The following PDE1C variants were observed in gnomAD, a reference collection of about 807,000 sequenced individuals.
The protein encoded by PDE1C is dual specificity calcium/calmodulin-dependent 3',5'-cyclic nucleotide phosphodiesterase 1C.
PDE1C carries 62 observed loss-of-function variants against 93.1 expected under a neutral mutation model. That is an observed-to-expected ratio of 0.67 (90% CI 0.54 to 0.82). PDE1C has a LOEUF of 0.82. Among genes scored for constraint, PDE1C ranks in the 40% least tolerant of loss-of-function variants. PDE1C has a pLI of 0.00. For missense variants in PDE1C, 742 were observed against 884.6 expected (o/e 0.84, Z 2.04); for synonymous variants, 325 against 310.1 (o/e 1.05, Z -0.50).
At chr7:32,165,701 T>C (rs1802204896) in intron 3 of PDE1C, among the ~76,000 whole-genome samples, 1 of 152,160 alleles carries the variant, frequency 6.6e-6, no homozygotes, top group African/African-American at 2.4e-5. Context: ...CCTTGACACA[T>C]GGGATTACAA....
intron 2 of PDE1C, among the ~76,000 whole-genome samples, chr7:31,993,346 G>A (rs1317081119): frequency 6.6e-6 from 1 of 152,144 alleles, no homozygotes; most frequent in Non-Finnish European, 1.5e-5. Context: ...TCTGGGATAA[G>A]CAAAGGATCA....
intron 16 of PDE1C, among the ~76,000 whole-genome samples, chr7:31,801,984 G>C (rs1005680590): frequency 1.3e-5 from 2 of 151,312 alleles, no homozygotes; most frequent in Non-Finnish European, 3.0e-5. Flanking sequence ...GTGTCTTTTT[G>C]TATAAAGGCA....
chr7:32,341,215 G>T (rs1028724293), intron 1 of PDE1C, among the ~76,000 whole-genome samples: 14 of 100,964 alleles, frequency 1.4e-4, no homozygotes, highest in African/African-American at 5.2e-4. Flanking sequence ...TCGCTCTGTC[G>T]CCCAGGCTGG....
At chr7:32,223,541 G>A (rs1807033653) in intron 1 of PDE1C, among the ~76,000 whole-genome samples, 1 of 152,180 alleles carries the variant, frequency 6.6e-6, no homozygotes, top group East Asian at 1.9e-4. Context: ...ACAGGATTCA[G>A]CTGAAACATC....
rs78991557 is a variant in PDE1C at position 32,229,045 on chromosome 7, T to C, written c.86-19506A>G. Among the ~76,000 whole-genome samples the C allele has an allele frequency of 5.2e-3, 786 of 152,298 alleles. 32 individuals carry two copies. In the East Asian group the frequency reaches 0.11, roughly 21 times the overall value. On this transcript the variant is annotated intron_variant, in intron 1 of 18. Transcript: ENST00000396193. ...TGCTTCCCACCCCCAAGCCCCACTC[T>C]AATGAGGACATTAGACTACCACCTG...
chr7:31,847,265 T>C (rs957297658), intron 9 of PDE1C, among the ~76,000 whole-genome samples: 1 of 152,152 alleles, frequency 6.6e-6, no homozygotes, highest in African/African-American at 2.4e-5. Context: ...TTTAAAGATG[T>C]AAAGATATTG....
intron 5 of PDE1C, among the ~76,000 whole-genome samples, chr7:31,876,945 A>T (rs775019020): frequency 8.5e-5 from 13 of 152,198 alleles, no homozygotes; most frequent in Non-Finnish European, 1.8e-4. Flanking sequence ...ATGAATACAT[A>T]ATCAAGATTG....
At chr7:32,066,739 T>C (rs567183177) in intron 1 of PDE1C, among the ~76,000 whole-genome samples, 5 of 129,314 alleles carry the variant, frequency 3.9e-5, no homozygotes, top group Non-Finnish European at 8.7e-5. Context: ...AAAAAGTAAT[T>C]CAGAGGGACA....
chr7:31,779,931 T>G (rs888902239), intron 16 of PDE1C, among the ~76,000 whole-genome samples: 4 of 152,098 alleles, frequency 2.6e-5, no homozygotes, highest in African/African-American at 9.7e-5. Flanking sequence ...AGAAACCAGG[T>G]GGGAACAGCC....
chr7:31,855,061 CCTCT>C (rs1793828735), intron 7 of PDE1C, among the ~76,000 whole-genome samples: 1 of 117,542 alleles, frequency 8.5e-6, no homozygotes, highest in Non-Finnish European at 1.8e-5. Context: ...AGCGAGACTC[CCTCT>C]GTCTAAAAAA....
At chr7:31,817,728 A>G (rs1788444502) in intron 14 of PDE1C, among the ~76,000 whole-genome samples, 1 of 152,168 alleles carries the variant, frequency 6.6e-6, no homozygotes. Flanking sequence ...ATGCTCATAA[A>G]TAATCCATTT....
intron 1 of PDE1C, among the ~76,000 whole-genome samples, chr7:32,405,309 T>G (rs558529080): frequency 6.6e-6 from 1 of 151,048 alleles, no homozygotes; most frequent in Admixed American, 6.6e-5. Flanking sequence ...TGGAGTGCAA[T>G]GGCACAATCT....
intron 16 of PDE1C, among the ~76,000 whole-genome samples, chr7:31,781,258 G>A (rs1035955254): frequency 6.6e-6 from 1 of 152,208 alleles, no homozygotes; most frequent in Non-Finnish European, 1.5e-5. Flanking sequence ...GCCTGGCCAA[G>A]CCTATGCCTG....
chr7:31,777,153 A>G (rs1783048154), intron 16 of PDE1C, among the ~76,000 whole-genome samples: 1 of 151,836 alleles, frequency 6.6e-6, no homozygotes, highest in African/African-American at 2.4e-5. Context: ...AAAAAAAAAG[A>G]AAGAAACAAT....
At chr7:32,084,029 A>G in intron 3 of PDE1C, among the ~76,000 whole-genome samples, 1 of 151,784 alleles carries the variant, frequency 6.6e-6, no homozygotes, top group Non-Finnish European at 1.5e-5. Context: ...AATGGACTAA[A>G]TGCTCCAATT....
At chr7:31,738,938 G>T in the PDE1C span, among the ~76,000 whole-genome samples, 1 of 152,174 alleles carries the variant, frequency 6.6e-6, no homozygotes, top group East Asian at 1.9e-4. Context: ...GAAATGCTCA[G>T]GACGGGTTTG....
At chr7:32,257,580 T>C (rs1178342710) in intron 1 of PDE1C, among the ~76,000 whole-genome samples, 3 of 152,258 alleles carry the variant, frequency 2.0e-5, no homozygotes, top group Admixed American at 6.5e-5. Flanking sequence ...AAACAATGCC[T>C]GGCACCTTGT....
chr7:31,886,351 T>C (rs1312703267), intron 2 of PDE1C, among the ~76,000 whole-genome samples: 2 of 152,238 alleles, frequency 1.3e-5, no homozygotes, highest in Non-Finnish European at 1.5e-5. Flanking sequence ...TATGCTTTAA[T>C]GCCATCCAAT....
intron 1 of PDE1C, among the ~76,000 whole-genome samples, chr7:32,305,593 G>T (rs1232111081): frequency 6.6e-6 from 1 of 152,178 alleles, no homozygotes; most frequent in Non-Finnish European, 1.5e-5. Context: ...TTCCCTTGGG[G>T]TGTTAGGGGA....
Sources: gnomAD v4.1 joint callset for allele counts (sites outside exome capture counted in the v4.1 genomes callset) on GRCh38, gnomAD v4.1.1 for gene constraint, MANE v1.5 for transcripts, NCBI Gene and HGNC (gene_info 2026-07-23, HGNC 2026-07-21) for gene names.